Variants in ROBO1 observed in about 807,000 individuals in gnomAD.
The protein encoded by ROBO1 is roundabout homolog 1.
A neutral mutation model predicts 195.9 loss-of-function variants in ROBO1; 149 were observed. The observed-to-expected ratio is 0.76, with a 90% CI of 0.67 to 0.87. ROBO1 has a LOEUF of 0.87. Among genes scored for constraint, ROBO1 ranks in the 40% least tolerant of loss-of-function variants. The probability of loss-of-function intolerance (pLI) is 0.00; values close to 1 mark genes in which losing one functional copy is unlikely to be tolerated. For synonymous variants in ROBO1, 816 were observed against 733.2 expected (o/e 1.11, Z -1.82); for missense variants, 1,933 against 2,068.3 (o/e 0.93, Z 1.27).
intron 1 of ROBO1, among the ~76,000 whole-genome samples, chr3:79,687,426 G>T (rs1026423773): frequency 6.6e-6 from 1 of 152,228 alleles, no homozygotes; most frequent in Non-Finnish European, 1.5e-5. Context: ...TACTATCAGA[G>T]TGAACAGGCA....
intron 3 of ROBO1, chr3:79,018,591 G>GTTTTCA: frequency 6.7e-7 from 1 of 1,493,188 alleles, no homozygotes. Context: ...TTAGCCAAGA[G>GTTTTCA]TTTTCAGGGC....
chr3:79,231,712 G>A (rs1198812109), intron 2 of ROBO1, among the ~76,000 whole-genome samples: 1 of 152,204 alleles, frequency 6.6e-6, no homozygotes, highest in East Asian at 1.9e-4. Flanking sequence ...CCATTACTGG[G>A]TATATACCCA....
At chr3:79,722,198 A>C (rs1393882616) in intron 1 of ROBO1, among the ~76,000 whole-genome samples, 1 of 152,210 alleles carries the variant, frequency 6.6e-6, no homozygotes, top group African/African-American at 2.4e-5. Flanking sequence ...TAAAAGTTAA[A>C]ATCAAAGATG....
intron 5 of ROBO1, among the ~76,000 whole-genome samples, chr3:78,745,406 T>A (rs1576072379): frequency 6.6e-6 from 1 of 152,240 alleles, no homozygotes; most frequent in East Asian, 1.9e-4. Flanking sequence ...ATAATGGTTT[T>A]AATGTGTTTG....
intron 3 of ROBO1, among the ~76,000 whole-genome samples, chr3:78,940,787 C>G (rs886551542): frequency 1.1e-4 from 17 of 152,192 alleles, no homozygotes; most frequent in Non-Finnish European, 1.5e-5. Context: ...TCTGTAAGAT[C>G]TGTGGGTCTG....
chr3:79,157,713 A>G (rs542122507), intron 2 of ROBO1, among the ~76,000 whole-genome samples: 1 of 151,960 alleles, frequency 6.6e-6, no homozygotes, highest in South Asian at 2.1e-4. Context: ...AAGAAGTAAT[A>G]TGTGCATAAA....
At chr3:79,405,002 T>C (rs2037491512) in intron 2 of ROBO1, among the ~76,000 whole-genome samples, 1 of 152,130 alleles carries the variant, frequency 6.6e-6, no homozygotes, top group Admixed American at 6.6e-5. Flanking sequence ...TAGCTATTCT[T>C]TCTTGCCTTG....
At chr3:78,876,771 T>C (rs2035873803) in intron 4 of ROBO1, among the ~76,000 whole-genome samples, 1 of 152,202 alleles carries the variant, frequency 6.6e-6, no homozygotes, top group Non-Finnish European at 1.5e-5. Flanking sequence ...AACTCTGCTG[T>C]GTTACATTTA....
chr3:79,619,005 C>A (rs1248115172), intron 1 of ROBO1, among the ~76,000 whole-genome samples: 1 of 152,254 alleles, frequency 6.6e-6, no homozygotes, highest in Non-Finnish European at 1.5e-5. Context: ...CATGCGGACA[C>A]CTGCCTTGAT....
At chr3:79,346,685 T>G (rs1475188666) in intron 2 of ROBO1, among the ~76,000 whole-genome samples, 1 of 152,056 alleles carries the variant, frequency 6.6e-6, no homozygotes, top group African/African-American at 2.4e-5. Flanking sequence ...TTGAATTTTC[T>G]AATAAAAGTT....
intron 4 of ROBO1, among the ~76,000 whole-genome samples, chr3:78,898,388 T>G (rs971644405): frequency 3.2e-4 from 43 of 135,696 alleles, no homozygotes; most frequent in African/African-American, 1.0e-3. Flanking sequence ...GGGTTTTTTT[T>G]TTTTTTTTTT....
At chr3:78,722,166 C>T (rs1234076497) in intron 5 of ROBO1, among the ~76,000 whole-genome samples, 1 of 152,046 alleles carries the variant, frequency 6.6e-6, no homozygotes, top group African/African-American at 2.4e-5. Flanking sequence ...GAGCACATAT[C>T]CATGTGTTTG....
intron 2 of ROBO1, among the ~76,000 whole-genome samples, chr3:79,449,310 T>G (rs1166520723): frequency 6.6e-6 from 1 of 151,746 alleles, no homozygotes; most frequent in Non-Finnish European, 1.5e-5. Flanking sequence ...ATAGCAAACC[T>G]CCTGCATTTC....
intron 22 of ROBO1, among the ~76,000 whole-genome samples, chr3:78,639,449 T>TAATA (rs774427311): frequency 1.7e-3 from 252 of 152,200 alleles, no homozygotes; most frequent in African/African-American, 5.5e-3. Context: ...CTCCAATAAA[T>TAATA]AATAAATAAA....
At chr3:79,406,898 C>G (rs1003049095) in intron 2 of ROBO1, among the ~76,000 whole-genome samples, 4 of 151,548 alleles carry the variant, frequency 2.6e-5, no homozygotes, top group Non-Finnish European at 4.4e-5. Flanking sequence ...ATGGAATTAC[C>G]AACACATTTC....
chr3:78,681,164 C>A (rs1366302238), intron 10 of ROBO1, among the ~76,000 whole-genome samples: 8 of 150,466 alleles, frequency 5.3e-5, no homozygotes, highest in Admixed American at 2.6e-4. Flanking sequence ...AGGGGAACAT[C>A]ACACTCTGGG....
intron 3 of ROBO1, among the ~76,000 whole-genome samples, chr3:78,987,108 T>C (rs941482112): frequency 3.8e-5 from 5 of 132,668 alleles, no homozygotes; most frequent in African/African-American, 1.4e-4. Flanking sequence ...TCTAAGTTTC[T>C]GGAAGGAAAA....
intron 2 of ROBO1, among the ~76,000 whole-genome samples, chr3:79,341,735 G>GT (rs1224245030): frequency 1.3e-5 from 2 of 151,912 alleles, no homozygotes; most frequent in Non-Finnish European, 1.5e-5. Context: ...ATTTATAGTA[G>GT]TTTTTTCCAT....
intron 1 of ROBO1, among the ~76,000 whole-genome samples, chr3:79,687,489 A>G (rs1351843320): frequency 6.6e-6 from 1 of 152,214 alleles, no homozygotes; most frequent in Non-Finnish European, 1.5e-5. Flanking sequence ...CAAAGGGCTA[A>G]TATCCAGAAT....
Sources: allele counts gnomAD v4.1 joint callset (sites outside exome capture counted in the v4.1 genomes callset), GRCh38; gene constraint gnomAD v4.1.1; transcripts MANE v1.5; gene names NCBI Gene and HGNC (gene_info 2026-07-23, HGNC 2026-07-21).